ASCC3: variants seen among roughly 807,000 people sequenced by gnomAD.
The protein encoded by ASCC3 is ASC-1 complex subunit P200.
In ASCC3, 158 loss-of-function variants were observed where a neutral mutation model predicts 256.3. The ratio of observed to expected loss-of-function variants is 0.62; its 90% CI spans 0.54 to 0.70. The LOEUF (loss-of-function observed/expected upper bound fraction) is 0.70, where lower values mean the gene tolerates loss of function less well. Among genes scored for constraint, ASCC3 ranks in the 30% least tolerant of loss-of-function variants. ASCC3 has a pLI of 0.00. For synonymous variants in ASCC3, 948 were observed against 883.4 expected (o/e 1.07, Z -1.30); for missense variants, 2,259 against 2,626.0 (o/e 0.86, Z 3.05).
At chr6:100,716,933 T>C (rs1048571422) in intron 12 of ASCC3, among the ~76,000 whole-genome samples, 26 of 151,932 alleles carry the variant, frequency 1.7e-4, no homozygotes, top group African/African-American at 6.3e-4. Flanking sequence ...TCTAAAGCTA[T>C]AAAAGAAGGT....
At chr6:100,762,161 C>T (rs1057082341) in intron 10 of ASCC3, among the ~76,000 whole-genome samples, 6 of 152,198 alleles carry the variant, frequency 3.9e-5, no homozygotes, top group African/African-American at 1.4e-4. Context: ...GAATTTCCCT[C>T]TATCCTCAAG....
At chr6:100,739,816 TTTCTC>T (rs1780343824) in intron 10 of ASCC3, among the ~76,000 whole-genome samples, 1 of 152,152 alleles carries the variant, frequency 6.6e-6, no homozygotes, top group African/African-American at 2.4e-5. Flanking sequence ...GTTTGATTCT[TTTCTC>T]TTTTCTTCTT....
intron 10 of ASCC3, among the ~76,000 whole-genome samples, chr6:100,764,365 A>C (rs11752659): frequency 3.9e-5 from 6 of 151,950 alleles, no homozygotes; most frequent in African/African-American, 4.8e-5. Context: ...AGATACTAAG[A>C]AAAAGGAGAA....
intron 30 of ASCC3, among the ~76,000 whole-genome samples, chr6:100,616,340 T>A (rs1269772410): frequency 6.6e-6 from 1 of 152,250 alleles, no homozygotes; most frequent in Non-Finnish European, 1.5e-5. Flanking sequence ...ATTAAGCATG[T>A]GAAAACACTA....
At chr6:100,512,959 T>C (rs1480611687) in intron 39 of ASCC3, 41 bp from the exon 40 acceptor site, 1 of 1,548,904 alleles carries the variant, frequency 6.5e-7, no homozygotes, top group Non-Finnish European at 8.9e-7. Context: ...GAGGAGTTTA[T>C]GTGAAATGCA....
chr6:100,535,379 T>G (rs1234929224), intron 37 of ASCC3, among the ~76,000 whole-genome samples: 2 of 152,178 alleles, frequency 1.3e-5, no homozygotes, highest in African/African-American at 4.8e-5. Flanking sequence ...CTAATATTCT[T>G]TCCTCTTTCT....
chr6:100,773,972 TAAATAATCAG>T (rs1201838461), intron 8 of ASCC3, among the ~76,000 whole-genome samples: 1 of 150,428 alleles, frequency 6.6e-6, no homozygotes, highest in Non-Finnish European at 1.5e-5. Context: ...GTTCAAGAAA[TAAATAATCAG>T]AAGAATATAC....
chr6:100,531,074 C>A (rs1176078800), intron 37 of ASCC3: 12 of 1,351,116 alleles, frequency 8.9e-6, no homozygotes, highest in Non-Finnish European at 1.3e-5. Flanking sequence ...TCTTCTAGAA[C>A]GTACATAGTC....
intron 34 of ASCC3, among the ~76,000 whole-genome samples, chr6:100,600,277 A>C (rs1181434756): frequency 6.6e-6 from 1 of 151,970 alleles, no homozygotes; most frequent in Non-Finnish European, 1.5e-5. Context: ...ACTTCGTAAG[A>C]TCTGGCTTTA....
At position 100,730,614 on chromosome 6, in the gene ASCC3, C is replaced by T. The variant is rs142981597; in HGVS notation, c.1738-4911G>A. Among the ~76,000 whole-genome samples, 224 of 152,220 alleles carry T rather than the reference C, an allele frequency of 1.5e-3. 1 individual carries two copies. The highest frequency in any genetic ancestry group is 5.2e-3 in the African/African-American group (216 of 41,544). ...TCAACCGATAAGCTTATAAATTATA[C>T]GGATGTTTTAATTTAAAGATTAAAT... On this transcript the variant is annotated intron_variant, in intron 10 of 41. Transcript: ENST00000369162.
chr6:100,526,190 A>C (rs1030225109), intron 37 of ASCC3, among the ~76,000 whole-genome samples: 30 of 152,214 alleles, frequency 2.0e-4, no homozygotes, highest in African/African-American at 6.8e-4. Flanking sequence ...AGCTGTAACT[A>C]TGAGTAAAAG....
chr6:100,651,055 G>A (rs1003882391), intron 19 of ASCC3, among the ~76,000 whole-genome samples: 2 of 151,488 alleles, frequency 1.3e-5, no homozygotes, highest in Non-Finnish European at 3.0e-5. Context: ...TAAAACCTCT[G>A]CCCAACTGGA....
At chr6:100,728,815 C>A (rs565377614) in intron 10 of ASCC3, among the ~76,000 whole-genome samples, 1 of 152,086 alleles carries the variant, frequency 6.6e-6, no homozygotes, top group Admixed American at 6.6e-5. Flanking sequence ...TCCATAGCTG[C>A]GGATGGCCTA....
At chr6:100,661,407 TA>T (rs930732191) in intron 16 of ASCC3, among the ~76,000 whole-genome samples, 38 of 150,714 alleles carry the variant, frequency 2.5e-4, no homozygotes, top group African/African-American at 8.2e-4. Flanking sequence ...ATAACAAAGT[TA>T]ATCAACTGAC....
intron 4 of ASCC3, among the ~76,000 whole-genome samples, chr6:100,816,220 A>T (rs1037383725): frequency 6.6e-6 from 1 of 152,148 alleles, no homozygotes; most frequent in Non-Finnish European, 1.5e-5. Context: ...ACCATCTCAC[A>T]TCAGTCAGAA....
intron 13 of ASCC3, among the ~76,000 whole-genome samples, chr6:100,701,442 C>T (rs1388295305): frequency 6.6e-6 from 1 of 152,124 alleles, no homozygotes; most frequent in Non-Finnish European, 1.5e-5. Flanking sequence ...CCTCCCCAGC[C>T]ATGTGGAAAT....
intron 4 of ASCC3, among the ~76,000 whole-genome samples, chr6:100,814,926 A>G (rs2114399098): frequency 6.6e-6 from 1 of 151,842 alleles, no homozygotes; most frequent in African/African-American, 2.4e-5. Context: ...TTCATGTCTC[A>G]ATCTCCTTCA....
chr6:100,521,097 C>G (rs182418045), intron 37 of ASCC3, among the ~76,000 whole-genome samples: 259 of 152,128 alleles, frequency 1.7e-3, no homozygotes, highest in Non-Finnish European at 3.0e-3. Flanking sequence ...AACATTCTGC[C>G]TAAGTTATTG....
chr6:100,864,087 A>G lies in ASCC3; in HGVS notation c.218T>C (p.Ile73Thr), dbSNP rs1310770310. 9 of 1,587,918 alleles carry G rather than the reference A, an allele frequency of 5.7e-6. No homozygotes were observed. The highest frequency in any genetic ancestry group is 5.4e-5 in the African/African-American group (4 of 74,108). ...MQSINEDLKD[I>T]LHAAKQIVGT... ...ACCTATCTGCTTTGCAGCATGTAAT[A>G]TATCTTTTAAGTCTTCATTTATACT... Residue 73 changes from isoleucine (I) to threonine (T), a missense_variant, in exon 3 of 42, where the codon ATA becomes ACA. Physicochemically the swap from Ile to Thr is moderately conservative, Grantham distance 89 (BLOSUM62 -1). Coordinates refer to ENST00000369162, the MANE Select transcript of ASCC3 (RefSeq NM_006828.4).
Sources: gnomAD v4.1 joint callset for allele counts (sites outside exome capture counted in the v4.1 genomes callset) on GRCh38, gnomAD v4.1.1 for gene constraint, MANE v1.5 for transcripts, NCBI Gene and HGNC (gene_info 2026-07-23, HGNC 2026-07-21) for gene names.